Variants in RAB3GAP1 observed in about 807,000 individuals in gnomAD.
The protein encoded by RAB3GAP1 is RAB3 GTPase activating protein catalytic subunit 1, also known as rab3 GTPase-activating protein catalytic subunit.
In RAB3GAP1, 86 loss-of-function variants were observed where a neutral mutation model predicts 130.7. That is an observed-to-expected ratio of 0.66 (90% CI 0.55 to 0.79). RAB3GAP1 has a LOEUF of 0.79. Ranked by LOEUF, RAB3GAP1 falls within the 30% of genes least tolerant of loss-of-function variation. RAB3GAP1 has a pLI of 0.00. For missense variants in RAB3GAP1, 1,029 were observed against 1,169.4 expected (o/e 0.88, Z 1.75); for synonymous variants, 367 against 401.7 (o/e 0.91, Z 1.03).
chr2:135,140,803 T>G (rs1691817470), intron 17 of RAB3GAP1, among the ~76,000 whole-genome samples: 1 of 152,210 alleles, frequency 6.6e-6, no homozygotes, highest in Non-Finnish European at 1.5e-5. Flanking sequence ...TTGCACAAAG[T>G]GTTTAGGCAT....
chr2:135,154,146 T>C (rs1376796728), intron 19 of RAB3GAP1, among the ~76,000 whole-genome samples: 1 of 152,206 alleles, frequency 6.6e-6, no homozygotes, highest in Non-Finnish European at 1.5e-5. Context: ...GGTATGTCCT[T>C]TGAGCTAGCA....
At chr2:135,103,091 C>T (rs1229821603) in intron 5 of RAB3GAP1, among the ~76,000 whole-genome samples, 1 of 125,994 alleles carries the variant, frequency 7.9e-6, no homozygotes, top group Non-Finnish European at 1.6e-5. Flanking sequence ...GGCTGGAGTG[C>T]AGTGGCGAAA....
chr2:135,119,402 G>A (rs1375453658), intron 7 of RAB3GAP1, among the ~76,000 whole-genome samples: 3 of 152,144 alleles, frequency 2.0e-5, no homozygotes, highest in East Asian at 3.9e-4. Context: ...GAGCCACTGC[G>A]CTTGGCCATA....
At position 135,155,346 on chromosome 2, in the gene RAB3GAP1, T is replaced by C. The variant is rs148068340; in HGVS notation, c.2289+1470T>C. Among the ~76,000 whole-genome samples, 324 of 152,100 alleles carry C rather than the reference T, an allele frequency of 2.1e-3. 2 individuals carry two copies. Among genetic ancestry groups the C allele is most frequent in the Non-Finnish European group, 3.4e-3 (234 of 67,968 alleles). Reference sequence around the variant, plus strand: ...GAGCCCAGAAAATGAAAATGAGATATAGGAGTAAAAGGAATTGAAGAGAAA... The same window carrying C: ...GAGCCCAGAAAATGAAAATGAGATACAGGAGTAAAAGGAATTGAAGAGAAA... On this transcript the variant is annotated intron_variant, in intron 19 of 23. Coordinates refer to ENST00000264158, the MANE Select transcript of RAB3GAP1 (RefSeq NM_012233.3).
chr2:135,086,922 C>G (rs1025345247), intron 3 of RAB3GAP1, among the ~76,000 whole-genome samples: 2 of 152,056 alleles, frequency 1.3e-5, no homozygotes, highest in Non-Finnish European at 2.9e-5. Context: ...ATGGACCTCC[C>G]AAAGAGCTGA....
At chr2:135,117,458 T>G (rs934494624) in intron 7 of RAB3GAP1, among the ~76,000 whole-genome samples, 1 of 148,736 alleles carries the variant, frequency 6.7e-6, no homozygotes. Flanking sequence ...CTTCTTCTGC[T>G]TCTGCTTCTG....
At chr2:135,155,098 A>G (rs1436633030) in intron 19 of RAB3GAP1, among the ~76,000 whole-genome samples, 1 of 152,198 alleles carries the variant, frequency 6.6e-6, no homozygotes, top group Middle Eastern at 3.2e-3. Flanking sequence ...TGAATCAGAT[A>G]TCCTCAAACA....
At chr2:135,084,602 T>A (rs1424185421) in intron 3 of RAB3GAP1, among the ~76,000 whole-genome samples, 4 of 152,196 alleles carry the variant, frequency 2.6e-5, no homozygotes, top group African/African-American at 4.8e-5. Flanking sequence ...TAGATCACAG[T>A]GTATATATTA....
chr2:135,135,503 A>G (rs1691652547), intron 16 of RAB3GAP1, 61 bp from the exon 17 acceptor site: 3 of 1,493,834 alleles, frequency 2.0e-6, no homozygotes, highest in East Asian at 2.4e-5. Flanking sequence ...TTCAAGCAGT[A>G]GGTAGATTTT....
At chr2:135,150,567 A>C in intron 18 of RAB3GAP1, 61 bp downstream of exon 18, 1 of 1,605,064 alleles carries the variant, frequency 6.2e-7, no homozygotes, top group Non-Finnish European at 8.5e-7. Flanking sequence ...GAAACTGTGA[A>C]AATCACTCTG....
chr2:135,083,272 G>A (rs1171924434), intron 3 of RAB3GAP1, among the ~76,000 whole-genome samples: 1 of 152,076 alleles, frequency 6.6e-6, no homozygotes, highest in Middle Eastern at 3.2e-3. Context: ...AATGCTATGA[G>A]CATTCATCGC....
chr2:135,157,643 C>T (rs1302021287), intron 19 of RAB3GAP1, among the ~76,000 whole-genome samples: 1 of 151,984 alleles, frequency 6.6e-6, no homozygotes. Flanking sequence ...ACCAGCCTGA[C>T]TAATGTGGTG....
rs1573626679 is a variant in RAB3GAP1 at position 135,170,621 on chromosome 2, G to A, written c.*1840G>A. 6.6e-6 allele frequency: 1 copy of A among 152,004 alleles called. No homozygotes were observed. The highest frequency in any genetic ancestry group is 1.9e-4 in the East Asian group (1 of 5,150). 9.4% of individuals were successfully genotyped at this position (152,004 alleles called of 1,614,324 possible). On this transcript the variant is annotated 3_prime_UTR_variant, in exon 24 of 24. Coordinates refer to ENST00000264158, the MANE Select transcript of RAB3GAP1 (RefSeq NM_012233.3). The stretch of plus-strand genomic sequence containing the variant: ...TCAACTCTGCTGTGTGGATCGGAGG[G>A]CCTGCATTTATCCTACAAATAATTG...
chr2:135,061,716 C>T (rs1558757613), intron 3 of RAB3GAP1, among the ~76,000 whole-genome samples: 1 of 151,772 alleles, frequency 6.6e-6, no homozygotes, highest in African/African-American at 2.4e-5. Flanking sequence ...AGTCTTTTCT[C>T]AGTAGTTTTG....
rs115374773 is a variant in RAB3GAP1, at chr2:135,062,592, T to C, written c.150+4506T>C. ...GAGTATGATTATGCTGAGACTGTAA[T>C]TGGGGTTGGGTTGAATTTGTAGATC... On this transcript the variant is annotated intron_variant, in intron 3 of 23. Coordinates refer to ENST00000264158, the MANE Select transcript of RAB3GAP1 (RefSeq NM_012233.3). Among the ~76,000 whole-genome samples the C allele has an allele frequency of 2.7e-3, 412 of 152,330 alleles. 2 individuals are homozygous for C. Among genetic ancestry groups the C allele is most frequent in the Admixed American group, 5.2e-3 (79 of 15,306 alleles).
In RAB3GAP1 at chr2:135,145,334, TTCTA is replaced by T. The variant is rs150483145; in HGVS notation, c.1924-5031_1924-5028del. ...ACTATTGAACATTAGAACTTATTCC[TTCTA>T]TCTGTTTGTATCCATTAGCTAACCT... On this transcript the variant is annotated intron_variant, in intron 17 of 23. Coordinates refer to ENST00000264158, the MANE Select transcript of RAB3GAP1 (RefSeq NM_012233.3). 1.0e-3 allele frequency among the ~76,000 whole-genome samples: 155 copies of T among 152,174 alleles called. 2 individuals carry two copies. In the East Asian group the frequency reaches 0.024, roughly 24 times the overall value.
intron 3 of RAB3GAP1, among the ~76,000 whole-genome samples, chr2:135,071,293 C>T (rs1689466168): frequency 6.6e-6 from 1 of 152,120 alleles, no homozygotes; most frequent in South Asian, 2.1e-4. Context: ...AACTTCATCC[C>T]CTGTCCAAAA....
intron 17 of RAB3GAP1, among the ~76,000 whole-genome samples, chr2:135,141,855 C>T (rs942036819): frequency 6.6e-6 from 1 of 152,068 alleles, no homozygotes; most frequent in African/African-American, 2.4e-5. Flanking sequence ...GTAAATCAAG[C>T]AACTGTATGT....
chr2:135,162,337 A>G (rs1169894626), intron 19 of RAB3GAP1: 1 of 544,222 alleles, frequency 1.8e-6, no homozygotes, highest in Non-Finnish European at 3.3e-6. Context: ...GTATTACATA[A>G]GAAAGCAGAA....
Sources: allele counts gnomAD v4.1 joint callset (sites outside exome capture counted in the v4.1 genomes callset), GRCh38; gene constraint gnomAD v4.1.1; transcripts MANE v1.5; gene names NCBI Gene and HGNC (gene_info 2026-07-23, HGNC 2026-07-21).